The following CTNNA3 variants were observed in gnomAD, a reference collection of about 807,000 sequenced individuals.
CTNNA3 encodes catenin alpha 3.
A neutral mutation model predicts 95.7 loss-of-function variants in CTNNA3; 76 were observed. The ratio of observed to expected loss-of-function variants is 0.79; its 90% CI spans 0.66 to 0.96. The LOEUF (loss-of-function observed/expected upper bound fraction) is 0.96, where lower values mean the gene tolerates loss of function less well. Among genes scored for constraint, CTNNA3 ranks in the 40% least tolerant of loss-of-function variants. The pLI, the probability that CTNNA3 is intolerant of heterozygous loss-of-function variation, is 0.00. For missense variants in CTNNA3, 1,191 were observed against 1,089.8 expected, an observed-to-expected ratio of 1.09 and a Z score of -1.31; for synonymous variants, 431 against 374.4, an observed-to-expected ratio of 1.15 and a Z score of -1.74.
At chr10:66,458,545 C>A (rs1196526342) in intron 11 of CTNNA3, among the ~76,000 whole-genome samples, 2 of 152,076 alleles carry the variant, frequency 1.3e-5, no homozygotes, top group African/African-American at 4.8e-5. Context: ...TTTCATCATC[C>A]TAAACTAAAA....
intron 4 of CTNNA3, among the ~76,000 whole-genome samples, chr10:67,526,068 A>G (rs1281561883): frequency 6.6e-6 from 1 of 152,370 alleles, no homozygotes; most frequent in Middle Eastern, 3.4e-3. Flanking sequence ...AGGAAAGAAT[A>G]GTCAAAAAAA....
At chr10:67,337,828 A>G (rs781566898) in intron 5 of CTNNA3, among the ~76,000 whole-genome samples, 27 of 152,200 alleles carry the variant, frequency 1.8e-4, no homozygotes, top group Non-Finnish European at 3.1e-4. Context: ...GTATTTTTAA[A>G]TTAACATATG....
intron 7 of CTNNA3, among the ~76,000 whole-genome samples, chr10:67,154,767 A>C (rs1471195264): frequency 6.6e-6 from 1 of 152,050 alleles, no homozygotes; most frequent in Non-Finnish European, 1.5e-5. Context: ...TACCTTGCCT[A>C]CCTGCCTCCC....
chr10:66,729,532 A>G (rs1025836143), intron 9 of CTNNA3, among the ~76,000 whole-genome samples: 1 of 152,248 alleles, frequency 6.6e-6, no homozygotes, highest in African/African-American at 2.4e-5. Context: ...TAAGTGAAGT[A>G]ACTCAGGAAT....
intron 1 of CTNNA3, among the ~76,000 whole-genome samples, chr10:67,738,070 C>A (rs1841313182): frequency 6.6e-6 from 1 of 152,154 alleles, no homozygotes; most frequent in Non-Finnish European, 1.5e-5. Context: ...AAAACCGAGG[C>A]AACTAGGGTC....
chr10:66,857,241 A>C (rs1236362151), intron 7 of CTNNA3, among the ~76,000 whole-genome samples: 1 of 151,932 alleles, frequency 6.6e-6, no homozygotes, highest in Non-Finnish European at 1.5e-5. Flanking sequence ...TGGGCTCTCT[A>C]TTCTGTTTCA....
chr10:66,619,875 G>A (rs1010854943), intron 10 of CTNNA3, among the ~76,000 whole-genome samples: 3 of 152,016 alleles, frequency 2.0e-5, no homozygotes, highest in African/African-American at 4.8e-5. Flanking sequence ...ATATGAACAT[G>A]TGTATACAAA....
At chr10:67,488,824 C>T (rs1057479391) in intron 5 of CTNNA3, among the ~76,000 whole-genome samples, 1 of 152,214 alleles carries the variant, frequency 6.6e-6, no homozygotes, top group Non-Finnish European at 1.5e-5. Context: ...CGCATGCCAC[C>T]GTGTCCAGCT....
intron 5 of CTNNA3, among the ~76,000 whole-genome samples, chr10:67,420,507 C>G (rs1406804460): frequency 6.6e-6 from 1 of 152,158 alleles, no homozygotes; most frequent in Non-Finnish European, 1.5e-5. Flanking sequence ...TGAACCACAT[C>G]TGAAACTAGG....
intron 5 of CTNNA3, among the ~76,000 whole-genome samples, chr10:67,385,821 T>C (rs1844136749): frequency 6.9e-6 from 1 of 145,428 alleles, no homozygotes; most frequent in South Asian, 2.1e-4. Flanking sequence ...GGTGGGGATA[T>C]ACCCTGAAGG....
intron 7 of CTNNA3, among the ~76,000 whole-genome samples, chr10:67,116,852 C>T (rs1859216450): frequency 6.6e-6 from 1 of 151,114 alleles, no homozygotes; most frequent in South Asian, 2.1e-4. Context: ...TGTGTATAAA[C>T]ACACATGTAT....
At chr10:66,839,031 T>C (rs2132341938) in intron 7 of CTNNA3, among the ~76,000 whole-genome samples, 2 of 37,688 alleles carry the variant, frequency 5.3e-5, no homozygotes, top group East Asian at 6.8e-4. Flanking sequence ...CATTCATACT[T>C]ATAAAAAAAA....
At chr10:67,135,657 A>G (rs1038102745) in intron 7 of CTNNA3, among the ~76,000 whole-genome samples, 21 of 152,156 alleles carry the variant, frequency 1.4e-4, no homozygotes, top group African/African-American at 4.1e-4. Flanking sequence ...CCTGGATGAC[A>G]GAGTGAGATC....
intron 10 of CTNNA3, among the ~76,000 whole-genome samples, chr10:66,583,997 CCTTT>C (rs1168539003): frequency 6.6e-6 from 1 of 151,684 alleles, no homozygotes; most frequent in Non-Finnish European, 1.5e-5. Flanking sequence ...TTTGAGGGTT[CCTTT>C]TGGAATCGAT....
intron 11 of CTNNA3, among the ~76,000 whole-genome samples, chr10:66,414,744 C>T (rs61867353): frequency 0.23 from 34,652 of 151,968 alleles, 4,202 homozygotes; most frequent in South Asian, 0.3. Context: ...AGGGCTTAGG[C>T]ACAAGTGACC....
rs138518821 is a variant in CTNNA3, at chr10:66,012,733, C to T, written c.2160-23936G>A. 2.6e-5 allele frequency among the ~76,000 whole-genome samples: 4 copies of T among 152,290 alleles called. No individual in the cohort carries two copies. In the East Asian group the frequency reaches 7.7e-4, roughly 29 times the overall value. ...TTTCTACAAACTCCATGACTAATAG[C>T]TGTCTAATTTCGCACTGCATATTTC... On this transcript the variant is annotated intron_variant, in intron 15 of 17. Coordinates refer to ENST00000433211, the MANE Select transcript of CTNNA3 (RefSeq NM_013266.4).
intron 17 of CTNNA3, among the ~76,000 whole-genome samples, chr10:65,937,093 A>G (rs2077352558): frequency 1.3e-5 from 2 of 152,096 alleles, no homozygotes; most frequent in Admixed American, 6.6e-5. Context: ...TATTCCACTC[A>G]TAGTCACCAC....
chr10:67,117,919 A>G (rs1231316398), intron 7 of CTNNA3, among the ~76,000 whole-genome samples: 2 of 152,152 alleles, frequency 1.3e-5, no homozygotes, highest in African/African-American at 4.8e-5. Context: ...ATAGATATTT[A>G]TAGCAATCAA....
chr10:66,675,208 C>T (rs1170322689), intron 9 of CTNNA3, among the ~76,000 whole-genome samples: 1 of 151,874 alleles, frequency 6.6e-6, no homozygotes, highest in East Asian at 1.9e-4. Flanking sequence ...TTGTCAGCTC[C>T]TTGATTAAAC....
Sources: gnomAD v4.1 joint callset for allele counts (sites outside exome capture counted in the v4.1 genomes callset) on GRCh38, gnomAD v4.1.1 for gene constraint, MANE v1.5 for transcripts, NCBI Gene and HGNC (gene_info 2026-07-23, HGNC 2026-07-21) for gene names.